The following ASXL3 variants were observed in gnomAD, a reference collection of about 807,000 sequenced individuals.
ASXL3 encodes the protein ASXL transcriptional regulator 3.
ASXL3 carries 34 observed loss-of-function variants against 170.6 expected under a neutral mutation model. The observed-to-expected ratio is 0.20, with a 90% CI of 0.15 to 0.27. The LOEUF (loss-of-function observed/expected upper bound fraction) is 0.27. Among genes scored for constraint, ASXL3 ranks in the 10% least tolerant of loss-of-function variants. ASXL3 has a pLI of 1.00. For missense variants in ASXL3, 2,592 were observed against 2,695.3 expected (o/e 0.96, Z 0.85); for synonymous variants, 1,002 against 989.1 (o/e 1.01, Z -0.24).
At chr18:33,615,796 A>C (rs181080069) in intron 2 of ASXL3, among the ~76,000 whole-genome samples, 1 of 152,256 alleles carries the variant, frequency 6.6e-6, no homozygotes, top group East Asian at 1.9e-4. Context: ...TCTATTATAT[A>C]ATACTCTGAT....
At chr18:33,733,209 C>G (rs1371837231) in intron 9 of ASXL3, among the ~76,000 whole-genome samples, 1 of 152,092 alleles carries the variant, frequency 6.6e-6, no homozygotes. Context: ...CCTAATCCCC[C>G]TACTCCTTCC....
chr18:33,639,555 A>G (rs1216945258), intron 2 of ASXL3, among the ~76,000 whole-genome samples: 11 of 152,302 alleles, frequency 7.2e-5, no homozygotes, highest in African/African-American at 2.4e-4. Context: ...AAATTATGAT[A>G]CAGATCATAT....
chr18:33,628,838 TAA>T (rs776066934), intron 2 of ASXL3, among the ~76,000 whole-genome samples: 5 of 152,176 alleles, frequency 3.3e-5, no homozygotes, highest in Non-Finnish European at 5.9e-5. Flanking sequence ...GTGTTCTACT[TAA>T]AGAGTAACTT....
chr18:33,734,659 A>G (rs952002286), intron 10 of ASXL3, among the ~76,000 whole-genome samples: 2 of 152,194 alleles, frequency 1.3e-5, no homozygotes, highest in African/African-American at 4.8e-5. Context: ...AAAATAGCAC[A>G]TGAAATCTTA....
chr18:33,731,932 T>A (rs2067455585), intron 8 of ASXL3, 36 bp from the exon 9 acceptor site: 1 of 1,575,998 alleles, frequency 6.3e-7, no homozygotes, highest in Admixed American at 1.7e-5. Flanking sequence ...GACTTATTCC[T>A]GATGGAACCT....
chr18:33,738,590 G>T lies in ASXL3; in HGVS notation c.1186G>T (p.Ala396Ser). ...TGGGACTTCTGGCCTTCCAGTTTCT[G>T]CACAGACAGCCTTGGCAGAACAACA... is the stretch of plus-strand genomic sequence containing the variant. ...SCGTSGLPVS[A>S]QTALAEQQPK... Residue 396 changes from alanine (A) to serine (S), a missense_variant, in exon 11 of 12, where the codon GCA becomes TCA. Transcript: ENST00000269197. 6.2e-7 allele frequency: 1 copy of T among 1,613,866 alleles called. No homozygotes were observed. Among genetic ancestry groups the T allele is most frequent in the Non-Finnish European group, 8.5e-7 (1 of 1,179,836 alleles).
Position 33,701,735 on chromosome 18 carries a change from G to A in ASXL3, c.879+18167G>A, listed in dbSNP as rs186033859. On this transcript the variant is annotated intron_variant, in intron 8 of 11. Transcript: ENST00000269197. ...TCACTTTGCATTTATCCTACTTAAC[G>A]TTTGTTGAACTTCTTCAATTTGTAG... is the stretch of plus-strand genomic sequence containing the variant. 3.9e-5 allele frequency among the ~76,000 whole-genome samples: 6 copies of A among 152,070 alleles called. No individual in the cohort carries two copies. In the East Asian group the frequency reaches 7.7e-4, roughly 20 times the overall value.
At position 33,578,597 on chromosome 18, in the gene ASXL3, C is replaced by A. The variant is rs925715624; in HGVS notation, c.-35C>A. The A allele has an allele frequency of 4.0e-6, 5 of 1,265,662 alleles. No individual in the cohort carries two copies. The highest frequency in any genetic ancestry group is 4.1e-6 in the Non-Finnish European group (4 of 973,480). 78.4% of individuals were successfully genotyped at this position (1,265,662 alleles called of 1,614,324 possible). A position where few individuals can be genotyped will look rare whatever the true frequency, so the allele number is the denominator to read the frequency against. ...ACCCCGAGCACCCCGTGGAATCCCCCACGTCATCATCAGAACCATCAATGA... is the reference window on the plus strand; with the variant it reads ...ACCCCGAGCACCCCGTGGAATCCCCAACGTCATCATCAGAACCATCAATGA... On this transcript the variant is annotated 5_prime_UTR_variant, in exon 1 of 12. Transcript: ENST00000269197.
rs766068919 is a variant in ASXL3 at position 33,740,171 on chromosome 18, A to G, written c.2767A>G (p.Lys923Glu). ...TCCATTTTCAGAAGGCTCTAGAAAT[A>G]AAACACATAAGCAAGGGAGTACACA... ...KAPFSEGSRN[K>E]THKQGSTQSR... The change falls in exon 11 of 12, where the codon AAA (lysine) becomes GAA (glutamate). Residue 923 changes from lysine to glutamate, a missense_variant. Lys to Glu is a moderately conservative substitution (Grantham distance 56, BLOSUM62 1). This residue lies in a region of ASXL3 where 2,246 missense variants were observed against 2,219.6 expected (regional missense o/e 1.01). Transcript: ENST00000269197. The G allele has an allele frequency of 1.2e-6, 2 of 1,613,944 alleles. No individual in the cohort carries two copies. Among genetic ancestry groups the G allele is most frequent in the South Asian group, 2.2e-5 (2 of 91,084 alleles).
chr18:33,654,552 C>A (rs999941918), intron 4 of ASXL3, among the ~76,000 whole-genome samples: 21 of 152,004 alleles, frequency 1.4e-4, no homozygotes, highest in Non-Finnish European at 1.9e-4. Context: ...AAACACTTAA[C>A]CTTGACCTGT....
chr18:33,670,837 AGACTTCCTC>A (rs1181348780), intron 6 of ASXL3, 47 bp downstream of exon 6: 3 of 1,254,642 alleles, frequency 2.4e-6, no homozygotes, highest in South Asian at 3.1e-5. Flanking sequence ...TTCCTGGAGG[AGACTTCCTC>A]ACTGAAAGAG....
chr18:33,586,755 T>C (rs1227817235), intron 1 of ASXL3, among the ~76,000 whole-genome samples: 1 of 152,208 alleles, frequency 6.6e-6, no homozygotes, highest in South Asian at 2.1e-4. Context: ...TTTTAGAATT[T>C]TGTTAATAAT....
intron 10 of ASXL3, among the ~76,000 whole-genome samples, chr18:33,737,763 T>C (rs2067572440): frequency 6.6e-6 from 1 of 152,140 alleles, no homozygotes; most frequent in Non-Finnish European, 1.5e-5. Context: ...AATAAGGTGA[T>C]TGAGTAATAC....
chr18:33,641,351 G>A (rs939424776), intron 2 of ASXL3, among the ~76,000 whole-genome samples: 1 of 151,946 alleles, frequency 6.6e-6, no homozygotes, highest in South Asian at 2.1e-4. Context: ...CAGGGGTTGT[G>A]GGAAATGAAA....
intron 2 of ASXL3, among the ~76,000 whole-genome samples, chr18:33,636,469 C>T (rs112218053): frequency 4.3e-4 from 65 of 152,106 alleles, no homozygotes; most frequent in African/African-American, 1.3e-3. Flanking sequence ...GTGTGTAGGC[C>T]GAATTGGACC....
intron 2 of ASXL3, among the ~76,000 whole-genome samples, chr18:33,635,001 T>G (rs1311542987): frequency 6.6e-6 from 1 of 152,080 alleles, no homozygotes; most frequent in Non-Finnish European, 1.5e-5. Flanking sequence ...CAGAGGTGAT[T>G]AGTAGCTTTT....
At chr18:33,716,897 T>TAAA (rs11378870) in intron 8 of ASXL3, among the ~76,000 whole-genome samples, 9 of 143,810 alleles carry the variant, frequency 6.3e-5, no homozygotes, top group African/African-American at 2.0e-4. Context: ...ATTTGCTGGT[T>TAAA]AAAAAAAAAA....
intron 2 of ASXL3, chr18:33,609,105 T>A: frequency 4.1e-6 from 4 of 974,130 alleles, no homozygotes; most frequent in Non-Finnish European, 4.9e-6. Context: ...ACAATTCTGT[T>A]AAAGGAGATC....
chr18:33,632,376 C>T (rs1449494480), intron 2 of ASXL3, among the ~76,000 whole-genome samples: 2 of 152,140 alleles, frequency 1.3e-5, no homozygotes, highest in Non-Finnish European at 2.9e-5. Context: ...TCACCATTTT[C>T]TAAATACTGT....
Sources: allele counts gnomAD v4.1 joint callset (sites outside exome capture counted in the v4.1 genomes callset), GRCh38; gene constraint gnomAD v4.1.1; regional missense constraint gnomAD v4.1.1; transcripts MANE v1.5; gene names NCBI Gene and HGNC (gene_info 2026-07-23, HGNC 2026-07-21).